The following CDYL2 variants were observed in gnomAD, a reference collection of about 807,000 sequenced individuals.
CDYL2 encodes chromodomain Y-like protein 2.
A neutral mutation model predicts 49.4 loss-of-function variants in CDYL2; 23 were observed. The ratio of observed to expected loss-of-function variants is 0.47; its 90% confidence interval spans 0.34 to 0.66. The LOEUF (loss-of-function observed/expected upper bound fraction) is 0.66. Ranked by LOEUF, CDYL2 falls within the 30% of genes least tolerant of loss-of-function variation. CDYL2 has a pLI of 0.01. For synonymous variants in CDYL2, 360 were observed against 268.8 expected, an observed-to-expected ratio of 1.34 and a Z score of -3.32; for missense variants, 678 against 656.4, an observed-to-expected ratio of 1.03 and a Z score of -0.36.
chr16:80,642,743 C>G (rs138580583), intron 2 of CDYL2, among the ~76,000 whole-genome samples: 404 of 152,268 alleles, frequency 2.7e-3, no homozygotes, highest in African/African-American at 9.0e-3. Flanking sequence ...ATAAAACCAT[C>G]AGATCTCATG....
intron 1 of CDYL2, among the ~76,000 whole-genome samples, chr16:80,721,233 T>A (rs968534923): frequency 1.2e-4 from 19 of 152,240 alleles, no homozygotes; most frequent in African/African-American, 4.6e-4. Flanking sequence ...ACATGTTAGA[T>A]ATTTTACTTG....
rs1909943701 is a variant in CDYL2, at chr16:80,680,916, T to C, written c.616+3622A>G. 7.2e-5 allele frequency among the ~76,000 whole-genome samples: 11 copies of C among 151,966 alleles called. No homozygotes were observed. The South Asian group carries it at 2.1e-3, about 29-fold the overall frequency. On this transcript the variant is annotated intron_variant, in intron 2 of 6. Transcript: ENST00000570137. ...TTTTAACAAGCTCCCCAAGAGATAC[T>C]GAGGCAGATGGGCCCCGGACCACAA...
intron 1 of CDYL2, among the ~76,000 whole-genome samples, chr16:80,705,910 T>A (rs557108786): frequency 5.2e-5 from 8 of 152,382 alleles, no homozygotes; most frequent in Admixed American, 2.6e-4. Context: ...TCCATAAACA[T>A]CATAAAATCT....
chr16:80,793,566 G>A (rs1383095066), intron 1 of CDYL2, among the ~76,000 whole-genome samples: 3 of 152,144 alleles, frequency 2.0e-5, no homozygotes, highest in African/African-American at 7.2e-5. Context: ...TTCATTCAAT[G>A]AATATTTACT....
Position 80,602,662 on chromosome 16 carries a change from G to A in CDYL2, c.*1726C>T, listed in dbSNP as rs866853334. 1 of 152,062 alleles carries A rather than the reference G, an allele frequency of 6.6e-6. No homozygotes were observed. Among genetic ancestry groups the A allele is most frequent in the South Asian group, 2.1e-4 (1 of 4,804 alleles). 9.4% of individuals were successfully genotyped at this position (152,062 alleles called of 1,614,324 possible). A position where few individuals can be genotyped will look rare whatever the true frequency, so the allele number is the denominator to read the frequency against. On this transcript the variant is annotated 3_prime_UTR_variant, in exon 7 of 7. Coordinates refer to ENST00000570137, the MANE Select transcript of CDYL2 (RefSeq NM_152342.4). ...AGCCTGCCTCACCTCCATAAGCTGTGCCCACTTCTTGCTGCCTTATTCCAC... is the reference window on the plus strand; with the variant it reads ...AGCCTGCCTCACCTCCATAAGCTGTACCCACTTCTTGCTGCCTTATTCCAC...
intron 2 of CDYL2, among the ~76,000 whole-genome samples, chr16:80,661,858 G>C (rs1909058154): frequency 6.6e-6 from 1 of 152,172 alleles, no homozygotes; most frequent in Admixed American, 6.5e-5. Context: ...ATAAGCCTGA[G>C]ATGTATTCAC....
intron 2 of CDYL2, among the ~76,000 whole-genome samples, chr16:80,642,399 G>A (rs574064172): frequency 3.9e-5 from 6 of 152,110 alleles, no homozygotes; most frequent in Non-Finnish European, 8.8e-5. Flanking sequence ...CCAAGATCTC[G>A]CCACTGCAGT....
intron 1 of CDYL2, among the ~76,000 whole-genome samples, chr16:80,733,131 T>C (rs1464608734): frequency 6.6e-6 from 1 of 152,148 alleles, no homozygotes; most frequent in Non-Finnish European, 1.5e-5. Flanking sequence ...AGCTGATGTC[T>C]CTTGTGGGCA....
chr16:80,630,605 T>C (rs1907516977), intron 3 of CDYL2, among the ~76,000 whole-genome samples: 1 of 151,548 alleles, frequency 6.6e-6, no homozygotes, highest in Admixed American at 6.6e-5. Context: ...CACACAGAGG[T>C]CTACACAGCA....
rs1905503122 is a variant in CDYL2, at chr16:80,735,822, T to G, written c.25-50693A>C. Among the ~76,000 whole-genome samples, 7 of 152,218 alleles carry G rather than the reference T, an allele frequency of 4.6e-5. No homozygotes were observed. The South Asian group carries it at 1.4e-3, about 32-fold the overall frequency. ...CAAAAGAAACCTGCAGTCAGGGAGC[T>G]GCAAACAGCTCCTACTTTCAGAGAA... is the stretch of plus-strand genomic sequence containing the variant. On this transcript the variant is annotated intron_variant, in intron 1 of 6. Transcript: ENST00000570137.
At chr16:80,641,676 T>C (rs891274800) in intron 2 of CDYL2, among the ~76,000 whole-genome samples, 1 of 140,904 alleles carries the variant, frequency 7.1e-6, no homozygotes, top group African/African-American at 2.7e-5. Context: ...GTGTTCTCAC[T>C]CATAGGAGGT....
In CDYL2 at chr16:80,687,155, C is replaced by T. The variant is rs565482409; in HGVS notation, c.25-2026G>A. 7.9e-5 allele frequency among the ~76,000 whole-genome samples: 12 copies of T among 152,314 alleles called. No homozygotes were observed. In the East Asian group the frequency reaches 9.6e-4, roughly 12 times the overall value. On this transcript the variant is annotated intron_variant, in intron 1 of 6. Coordinates refer to ENST00000570137, the MANE Select transcript of CDYL2 (RefSeq NM_152342.4). ...TGAGGGAGGAAAGAGAGTAAGCAATCTGACATTGCCTGAAACAGCAGCATT... is the reference window on the plus strand; with the variant it reads ...TGAGGGAGGAAAGAGAGTAAGCAATTTGACATTGCCTGAAACAGCAGCATT...
At chr16:80,747,753 G>C (rs966338123) in intron 1 of CDYL2, among the ~76,000 whole-genome samples, 1 of 152,108 alleles carries the variant, frequency 6.6e-6, no homozygotes, top group African/African-American at 2.4e-5. Flanking sequence ...AAGTGCCCTA[G>C]TTTCTTTGCC....
At position 80,611,767 on chromosome 16, in the gene CDYL2, C is replaced by T. The variant is rs372800585; in HGVS notation, c.1218+859G>A. 3.3e-5 allele frequency among the ~76,000 whole-genome samples: 5 copies of T among 152,202 alleles called. No individual in the cohort carries two copies. In the South Asian group the frequency reaches 8.3e-4, roughly 25 times the overall value. On this transcript the variant is annotated intron_variant, in intron 5 of 6. Coordinates refer to ENST00000570137, the MANE Select transcript of CDYL2 (RefSeq NM_152342.4). The stretch of plus-strand genomic sequence containing the variant: ...TCCTGCCTCACAGGGGCGTGGACGG[C>T]GTTGACAGCCCAGCCCAGCACACAG...
At chr16:80,766,227 T>C (rs1365284901) in intron 1 of CDYL2, among the ~76,000 whole-genome samples, 5 of 152,080 alleles carry the variant, frequency 3.3e-5, no homozygotes, top group African/African-American at 1.2e-4. Context: ...AATTGCATAT[T>C]TTAAAGGGAT....
intron 2 of CDYL2, among the ~76,000 whole-genome samples, chr16:80,637,460 C>T (rs887539241): frequency 1.6e-4 from 24 of 151,954 alleles, no homozygotes; most frequent in African/African-American, 2.9e-4. Context: ...ATAAATAAAA[C>T]GATTTTTGTC....
At chr16:80,746,540 G>A (rs572213639) in intron 1 of CDYL2, among the ~76,000 whole-genome samples, 93 of 152,328 alleles carry the variant, frequency 6.1e-4, no homozygotes, top group African/African-American at 2.1e-3. Flanking sequence ...ACTGAAGACA[G>A]GAAAAGTAAC....
chr16:80,633,934 C>A (rs1390866826), intron 2 of CDYL2, among the ~76,000 whole-genome samples: 2 of 152,186 alleles, frequency 1.3e-5, no homozygotes, highest in South Asian at 2.1e-4. Flanking sequence ...GGTTCCCAGT[C>A]TCCAGCCTCA....
At chr16:80,803,761 C>T (rs1908004543) in intron 1 of CDYL2, among the ~76,000 whole-genome samples, 2 of 143,348 alleles carry the variant, frequency 1.4e-5, no homozygotes, top group Admixed American at 1.4e-4. Context: ...CCAGCACGTC[C>T]GGCGCCGACT....
Sources: gnomAD v4.1 joint callset for allele counts (sites outside exome capture counted in the v4.1 genomes callset) on GRCh38, gnomAD v4.1.1 for gene constraint, MANE v1.5 for transcripts, NCBI Gene and HGNC (gene_info 2026-07-23, HGNC 2026-07-21) for gene names.